Variants in SMOC1 observed in about 807,000 individuals in gnomAD.
The protein encoded by SMOC1 is SPARC-related modular calcium-binding protein 1.
In SMOC1, 22 loss-of-function variants were observed where a neutral mutation model predicts 56.3. The observed-to-expected ratio is 0.39, with a 90% CI of 0.28 to 0.56. The LOEUF is 0.56. Among genes scored for constraint, SMOC1 ranks in the 20% least tolerant of loss-of-function variants. The pLI is 0.61. For missense variants in SMOC1, 509 were observed against 565.4 expected, an observed-to-expected ratio of 0.90 and a Z score of 1.01; for synonymous variants, 193 against 215.0, an observed-to-expected ratio of 0.90 and a Z score of 0.89.
At chr14:69,922,210 A>G (rs1014339039) in intron 1 of SMOC1, among the ~76,000 whole-genome samples, 3 of 152,228 alleles carry the variant, frequency 2.0e-5, no homozygotes, top group African/African-American at 7.2e-5. Context: ...AAAAGTGCAA[A>G]TACTGCAGGC....
rs1594853983 is a variant in SMOC1 at position 70,010,782 on chromosome 14, G to A, written c.693G>A (p.Arg231=). The change falls in exon 8 of 12, where the codon AGG becomes AGA. Residue 231 remains arginine (R), a synonymous_variant. Transcript: ENST00000361956. The part of the protein sequence containing the change: ...SEKVYSCDQE[R]QSALEEAQQN... ...AAGTCTATTCGTGTGACCAGGAGAG[G>A]CAGAGTGCCCTGGAAGAGGCCCAGC... 6.2e-7 allele frequency: 1 copy of A among 1,614,246 alleles called. No individual in the cohort carries two copies.
At chr14:69,970,385 G>C (rs1323807824) in intron 3 of SMOC1, among the ~76,000 whole-genome samples, 1 of 152,146 alleles carries the variant, frequency 6.6e-6, no homozygotes, top group Non-Finnish European at 1.5e-5. Context: ...GAAGTGTTTG[G>C]GTTAGATTGG....
At chr14:69,890,875 C>G (rs1361047732) in intron 1 of SMOC1, among the ~76,000 whole-genome samples, 1 of 152,152 alleles carries the variant, frequency 6.6e-6, no homozygotes, top group South Asian at 2.1e-4. Flanking sequence ...CTGGTACATA[C>G]CCTGGAGAAA....
intron 10 of SMOC1, among the ~76,000 whole-genome samples, chr14:70,020,476 C>T (rs1885671349): frequency 6.6e-6 from 1 of 152,106 alleles, no homozygotes; most frequent in Non-Finnish European, 1.5e-5. Flanking sequence ...CAGAGAATAT[C>T]ATGCTAGCTG....
intron 5 of SMOC1, among the ~76,000 whole-genome samples, chr14:69,987,951 A>G (rs1000130679): frequency 6.6e-6 from 1 of 152,172 alleles, no homozygotes; most frequent in Non-Finnish European, 1.5e-5. Context: ...GGGTTGGGGA[A>G]TCTCCGGAGG....
chr14:69,931,635 A>C (rs1299646041), intron 1 of SMOC1, among the ~76,000 whole-genome samples: 1 of 152,254 alleles, frequency 6.6e-6, no homozygotes, highest in Admixed American at 6.5e-5. Context: ...AAGGATTTCT[A>C]GAGAGCCATT....
intron 1 of SMOC1, among the ~76,000 whole-genome samples, chr14:69,936,642 A>G (rs1885302687): frequency 6.6e-6 from 1 of 152,146 alleles, no homozygotes; most frequent in South Asian, 2.1e-4. Context: ...GTGACAGCAG[A>G]ATTTGGTGTA....
rs888521699 is a variant in SMOC1 at position 69,955,316 on chromosome 14, G to A, written c.378+1784G>A. On this transcript the variant is annotated intron_variant, in intron 3 of 11. Transcript: ENST00000361956. Reference sequence around the variant, plus strand: ...GTCTGGTTAGAGTGCTGCTCCTGGAGCCGGACACCTGGGCACGAAGCTCAG... The same window carrying A: ...GTCTGGTTAGAGTGCTGCTCCTGGAACCGGACACCTGGGCACGAAGCTCAG... Among the ~76,000 whole-genome samples, 4 of 152,132 alleles carry A rather than the reference G, an allele frequency of 2.6e-5. No individual in the cohort carries two copies. The East Asian group carries it at 7.7e-4, about 29-fold the overall frequency.
chr14:70,011,442 T>G (rs762323897), intron 8 of SMOC1, 43 bp from the exon 9 acceptor site: 15 of 1,526,074 alleles, frequency 9.8e-6, no homozygotes, highest in African/African-American at 2.7e-5. Context: ...GTAGGCTCAG[T>G]TGCCAGCCCC....
chr14:69,942,765 T>C (rs1169636802), intron 1 of SMOC1, among the ~76,000 whole-genome samples: 2 of 152,244 alleles, frequency 1.3e-5, no homozygotes, highest in African/African-American at 4.8e-5. Flanking sequence ...TATGTGCACC[T>C]GCTTTTCTGA....
chr14:70,029,153 T>G (rs748122856), intron 11 of SMOC1, among the ~76,000 whole-genome samples: 1 of 152,158 alleles, frequency 6.6e-6, no homozygotes, highest in Non-Finnish European at 1.5e-5. Context: ...CAGCTCTTGA[T>G]GTGCTTGCCC....
chr14:70,000,016 T>C (rs1396217143), intron 7 of SMOC1, among the ~76,000 whole-genome samples: 7 of 152,228 alleles, frequency 4.6e-5, no homozygotes, highest in African/African-American at 1.7e-4. Context: ...TATTTTCCTT[T>C]TGGCCTCTGC....
intron 1 of SMOC1, among the ~76,000 whole-genome samples, chr14:69,900,451 A>T (rs1485536193): frequency 2.0e-5 from 3 of 152,260 alleles, no homozygotes; most frequent in Non-Finnish European, 2.9e-5. Flanking sequence ...TCCCTCGTTT[A>T]TGGAGCAGTA....
intron 3 of SMOC1, among the ~76,000 whole-genome samples, chr14:69,968,380 C>G (rs1185084315): frequency 6.6e-6 from 1 of 152,160 alleles, no homozygotes; most frequent in East Asian, 1.9e-4. Context: ...CATCCATACC[C>G]AATAAACAAT....
chr14:69,975,779 G>T lies in SMOC1; in HGVS notation c.443G>T (p.Gly148Val), dbSNP rs1462079057. 6.2e-7 allele frequency: 1 copy of T among 1,612,702 alleles called. No homozygotes were observed. Among genetic ancestry groups the T allele is most frequent in the South Asian group, 1.1e-5 (1 of 91,018 alleles). Residue 148 changes from glycine (G) to valine (V), a missense_variant, in exon 4 of 12, where the codon GGC becomes GTC. Transcript: ENST00000361956. ...CVTPDGKPIS[G>V]SSVQNKTPVC... ...ACCCCGGATGGGAAGCCCATCAGTG[G>T]CTCTTCTGTGCAGAATAAAACTCCT...
At chr14:69,935,468 G>T (rs1478404792) in intron 1 of SMOC1, among the ~76,000 whole-genome samples, 1 of 152,194 alleles carries the variant, frequency 6.6e-6, no homozygotes, top group East Asian at 1.9e-4. Flanking sequence ...TTTTAACCTA[G>T]CCTAAGTACT....
chr14:69,885,545 C>G, intron 1 of SMOC1: 1 of 1,597,204 alleles, frequency 6.3e-7, no homozygotes, highest in Non-Finnish European at 8.5e-7. Flanking sequence ...GACAGTGGTG[C>G]AGGTCTTCCT....
At chr14:69,998,169 C>T (rs1884839245) in intron 7 of SMOC1, among the ~76,000 whole-genome samples, 1 of 152,180 alleles carries the variant, frequency 6.6e-6, no homozygotes, top group African/African-American at 2.4e-5. Context: ...CATGTGTTCA[C>T]TATAGTCAGT....
chr14:69,994,521 C>G (rs1766947794), intron 7 of SMOC1, 41 bp downstream of exon 7: 1 of 1,494,158 alleles, frequency 6.7e-7, no homozygotes, highest in Admixed American at 1.7e-5. Context: ...CCCAGTCCAT[C>G]CTTCCTTGCC....
Sources: gnomAD v4.1 joint callset for allele counts (sites outside exome capture counted in the v4.1 genomes callset) on GRCh38, gnomAD v4.1.1 for gene constraint, MANE v1.5 for transcripts, NCBI Gene and HGNC (gene_info 2026-07-23, HGNC 2026-07-21) for gene names.